The following NTRK3 variants were observed in gnomAD, a reference collection of about 807,000 sequenced individuals.
NTRK3 encodes neurotrophic receptor tyrosine kinase 3, also known as NT-3 growth factor receptor.
A neutral mutation model predicts 91.7 loss-of-function variants in NTRK3; 24 were observed. The ratio of observed to expected loss-of-function variants is 0.26; its 90% confidence interval spans 0.19 to 0.37. NTRK3 has a LOEUF of 0.37. NTRK3 is among the 10% of genes least tolerant of loss of function. The probability of loss-of-function intolerance (pLI) is 1.00; values close to 1 mark genes in which losing one functional copy is unlikely to be tolerated. For missense variants in NTRK3, 880 were observed against 1,068.9 expected (o/e 0.82, Z 2.46); for synonymous variants, 483 against 404.0 (o/e 1.20, Z -2.34).
chr15:88,104,064 AGAC>A (rs1299429205), intron 13 of NTRK3, among the ~76,000 whole-genome samples: 1 of 152,238 alleles, frequency 6.6e-6, no homozygotes, highest in Non-Finnish European at 1.5e-5. Flanking sequence ...ATCTGGAAGA[AGAC>A]ATCTGCTTTG....
At chr15:88,070,890 G>C (rs2047037190) in intron 13 of NTRK3, among the ~76,000 whole-genome samples, 1 of 152,078 alleles carries the variant, frequency 6.6e-6, no homozygotes, top group South Asian at 2.1e-4. Context: ...AGAGAGAAAA[G>C]GAAGGCAAGA....
chr15:88,206,430 G>A (rs1189591583), intron 3 of NTRK3, among the ~76,000 whole-genome samples: 3 of 148,004 alleles, frequency 2.0e-5, no homozygotes, highest in Non-Finnish European at 3.0e-5. Flanking sequence ...AGGCCGAGGC[G>A]GGCGGATCAC....
intron 3 of NTRK3, among the ~76,000 whole-genome samples, chr15:88,242,992 A>T (rs964389114): frequency 1.3e-5 from 2 of 152,200 alleles, no homozygotes; most frequent in African/African-American, 2.4e-5. Flanking sequence ...AAGTCCCCAT[A>T]GGCCATAGGG....
chr15:87,929,749 T>C (rs780712997), intron 16 of NTRK3, among the ~76,000 whole-genome samples: 7 of 152,196 alleles, frequency 4.6e-5, no homozygotes, highest in Non-Finnish European at 7.3e-5. Context: ...ATAGAATAAT[T>C]AGCAAAACAA....
intron 11 of NTRK3, among the ~76,000 whole-genome samples, chr15:88,128,208 A>T (rs1457151594): frequency 6.6e-6 from 1 of 152,206 alleles, no homozygotes; most frequent in Non-Finnish European, 1.5e-5. Context: ...GCCCCAAATC[A>T]CTTATAAACT....
intron 13 of NTRK3, among the ~76,000 whole-genome samples, chr15:88,118,801 C>G (rs1044663133): frequency 2.6e-5 from 4 of 152,150 alleles, no homozygotes; most frequent in African/African-American, 9.7e-5. Context: ...TGCAGAATGT[C>G]TAAACTGGGT....
intron 13 of NTRK3, among the ~76,000 whole-genome samples, chr15:88,074,751 T>C (rs1025813385): frequency 2.0e-5 from 3 of 152,216 alleles, no homozygotes; most frequent in Non-Finnish European, 4.4e-5. Flanking sequence ...GAGAAATTCA[T>C]CTTGATATAC....
intron 17 of NTRK3, among the ~76,000 whole-genome samples, chr15:87,925,116 G>A (rs1355845259): frequency 6.6e-6 from 1 of 152,138 alleles, no homozygotes; most frequent in South Asian, 2.1e-4. Context: ...CAGTGTAAAG[G>A]TAATCTTGGA....
intron 17 of NTRK3, among the ~76,000 whole-genome samples, chr15:87,884,207 A>T (rs1372901632): frequency 6.6e-6 from 1 of 151,604 alleles, no homozygotes; most frequent in Non-Finnish European, 1.5e-5. Context: ...GATGTAGAGG[A>T]GACAAATGTA....
chr15:87,940,133 C>G (rs2069680815), intron 15 of NTRK3, among the ~76,000 whole-genome samples: 1 of 152,086 alleles, frequency 6.6e-6, no homozygotes, highest in African/African-American at 2.4e-5. Flanking sequence ...TGCTAACCCC[C>G]TACCTCCCTG....
At chr15:87,985,873 G>T (rs547986133) in intron 14 of NTRK3, among the ~76,000 whole-genome samples, 126 of 152,276 alleles carry the variant, frequency 8.3e-4, no homozygotes, top group African/African-American at 3.0e-3. Context: ...TCAAAAAAAG[G>T]GGGGAGGTGT....
At chr15:88,122,315 G>A (rs972037890) in intron 13 of NTRK3, among the ~76,000 whole-genome samples, 1 of 152,196 alleles carries the variant, frequency 6.6e-6, no homozygotes, top group Admixed American at 6.5e-5. Flanking sequence ...AGTAGAGGTG[G>A]TTGCTAATTT....
At position 88,128,745 on chromosome 15, in the gene NTRK3, A is replaced by T. The variant is rs1567477535; in HGVS notation, c.1205-11T>A. 8 of 1,613,500 alleles carry T rather than the reference A, an allele frequency of 5.0e-6. No homozygotes were observed. Among genetic ancestry groups the T allele is most frequent in the Admixed American group, 1.7e-5 (1 of 60,024 alleles). On this transcript the variant is annotated splice_polypyrimidine_tract_variant and intron_variant, in intron 10 of 18. Coordinates refer to ENST00000394480, the Ensembl canonical transcript of NTRK3. ...AGTTATCCGTGCTCTCTGCAAAAAA[A>T]GGACAAAGAGATAATTAACAAATTT... is the stretch of plus-strand genomic sequence containing the variant.
chr15:88,035,721 T>G (rs1416397727), intron 13 of NTRK3, among the ~76,000 whole-genome samples: 3 of 151,840 alleles, frequency 2.0e-5, no homozygotes, highest in African/African-American at 7.3e-5. Flanking sequence ...AAGTAGACAA[T>G]CAGCGACCTG....
At chr15:87,879,223 C>A (rs145517927) in intron 18 of NTRK3, among the ~76,000 whole-genome samples, 88 of 152,254 alleles carry the variant, frequency 5.8e-4, no homozygotes, top group African/African-American at 2.1e-3. Context: ...AAGAAAGACA[C>A]TCTGTTGAAT....
At chr15:87,958,712 G>T (rs900798463) in intron 14 of NTRK3, among the ~76,000 whole-genome samples, 3 of 151,824 alleles carry the variant, frequency 2.0e-5, no homozygotes, top group African/African-American at 7.3e-5. Flanking sequence ...TATCCTGCTG[G>T]CACCATCCTA....
chr15:88,006,282 G>A (rs537360652), intron 14 of NTRK3, among the ~76,000 whole-genome samples: 59 of 152,292 alleles, frequency 3.9e-4, no homozygotes, highest in African/African-American at 1.4e-3. Context: ...CCTCGGGAAA[G>A]GGATTTAAAT....
chr15:87,922,292 G>T (rs1390624253), intron 17 of NTRK3, among the ~76,000 whole-genome samples: 2 of 152,316 alleles, frequency 1.3e-5, no homozygotes, highest in African/African-American at 4.8e-5. Flanking sequence ...CAGGCTCTCA[G>T]CTCTGGTGAC....
At chr15:88,170,438 T>C (rs565346040) in intron 5 of NTRK3, among the ~76,000 whole-genome samples, 1 of 152,254 alleles carries the variant, frequency 6.6e-6, no homozygotes, top group Non-Finnish European at 1.5e-5. Context: ...GTTCCCTCAC[T>C]ACATCCCACA....
Sources: allele counts gnomAD v4.1 joint callset (sites outside exome capture counted in the v4.1 genomes callset), GRCh38; gene constraint gnomAD v4.1.1; transcripts MANE v1.5; gene names NCBI Gene and HGNC (gene_info 2026-07-23, HGNC 2026-07-21).